The following COPA variants were observed in gnomAD, a reference collection of about 807,000 sequenced individuals.
COPA encodes coatomer subunit alpha.
In COPA, 10 loss-of-function variants were observed where a neutral mutation model predicts 158.7. The ratio of observed to expected loss-of-function variants is 0.06; its 90% CI spans 0.04 to 0.11. The LOEUF (loss-of-function observed/expected upper bound fraction) is 0.11, where lower values mean the gene tolerates loss of function less well. Ranked by LOEUF, COPA falls within the 10% of genes least tolerant of loss-of-function variation. The pLI is 1.00. For missense variants in COPA, 1,065 were observed against 1,536.7 expected, an observed-to-expected ratio of 0.69 and a Z score of 5.13; for synonymous variants, 462 against 542.8, an observed-to-expected ratio of 0.85 and a Z score of 2.07.
chr1:160,340,398 A>T (rs1293920231), intron 1 of COPA, 104 bp from the exon 2 acceptor site: 1 of 707,214 alleles, frequency 1.4e-6, no homozygotes, highest in East Asian at 2.6e-5. Context: ...TCCTAGGTTC[A>T]TTCATTCGAC....
Position 160,331,045 on chromosome 1 carries a change from A to G in COPA, c.496+1403T>C, listed in dbSNP as rs558916028. Reference sequence around the variant, plus strand: ...AAAAATTAGCTGGGCATGGTGGCACATGGCAAAAATAAATAAATAAAAGTT... The same window carrying G: ...AAAAATTAGCTGGGCATGGTGGCACGTGGCAAAAATAAATAAATAAAAGTT... On this transcript the variant is annotated intron_variant, in intron 6 of 32. Transcript: ENST00000241704. Among the ~76,000 whole-genome samples the G allele has an allele frequency of 3.3e-5, 5 of 151,306 alleles. No individual in the cohort carries two copies. In the East Asian group the frequency reaches 9.8e-4, roughly 30 times the overall value.
intron 17 of COPA, among the ~76,000 whole-genome samples, chr1:160,304,756 G>C (rs1358365793): frequency 6.6e-6 from 1 of 152,178 alleles, no homozygotes; most frequent in Non-Finnish European, 1.5e-5. Flanking sequence ...CTAGAGAAAT[G>C]TATGTACATG....
intron 8 of COPA, among the ~76,000 whole-genome samples, chr1:160,319,527 T>A (rs764792036): frequency 1.3e-5 from 2 of 148,580 alleles, no homozygotes; most frequent in Non-Finnish European, 3.0e-5. Context: ...ACATACTAGA[T>A]CTAATAGGCC....
intron 17 of COPA, among the ~76,000 whole-genome samples, chr1:160,304,391 C>T (rs904397475): frequency 4.6e-5 from 7 of 150,810 alleles, no homozygotes; most frequent in African/African-American, 1.7e-4. Context: ...CACAGCTGGG[C>T]GCGGTGGCTC....
intron 8 of COPA, among the ~76,000 whole-genome samples, chr1:160,315,380 G>A (rs1430800872): frequency 6.6e-6 from 1 of 152,240 alleles, no homozygotes; most frequent in Admixed American, 6.5e-5. Context: ...ACTCTGCTCT[G>A]TTACTTGGCC....
intron 8 of COPA, among the ~76,000 whole-genome samples, chr1:160,314,775 G>GA (rs1659081102): frequency 6.6e-6 from 1 of 151,680 alleles, no homozygotes; most frequent in South Asian, 2.1e-4. Flanking sequence ...TGCCATTTTA[G>GA]AACAAATATG....
chr1:160,324,743 T>TA (rs1035308601), intron 7 of COPA, among the ~76,000 whole-genome samples: 31 of 152,306 alleles, frequency 2.0e-4, no homozygotes, highest in African/African-American at 3.8e-4. Flanking sequence ...TAAAATGTGG[T>TA]AAAAAATTGA....
In COPA at chr1:160,306,439, A is replaced by G. The variant is rs1471394621; in HGVS notation, c.1357T>C (p.Cys453Arg). The G allele has an allele frequency of 9.9e-6, 16 of 1,614,122 alleles. No homozygotes were observed. Among genetic ancestry groups the G allele is most frequent in the African/African-American group, 2.7e-5 (2 of 74,928 alleles). ...EITKKVQVPN[C>R]DEIFYAGTGN... ...GTGCCAGCATAGAAGATCTCATCAC[A>G]GTTGGGCACCTGTACCTTTTTGGTG... The change falls in exon 15 of 33, where the codon TGT becomes CGT. Residue 453 changes from cysteine to arginine, a missense_variant. By Grantham distance (180) the Cys-to-Arg change is radical. Coordinates refer to ENST00000241704, the MANE Select transcript of COPA (RefSeq NM_004371.4).
At chr1:160,306,885 CACTT>C (rs1268104033) in intron 14 of COPA, among the ~76,000 whole-genome samples, 2 of 152,210 alleles carry the variant, frequency 1.3e-5, no homozygotes, top group Non-Finnish European at 2.9e-5. Context: ...CCAGCCCACT[CACTT>C]CAGATTTGAT....
intron 17 of COPA, among the ~76,000 whole-genome samples, chr1:160,303,869 C>G (rs993025946): frequency 4.6e-5 from 7 of 152,010 alleles, no homozygotes; most frequent in Non-Finnish European, 7.4e-5. Flanking sequence ...AGAGGAAATC[C>G]TACTGGATGG....
At chr1:160,326,442 T>C (rs921618389) in intron 6 of COPA, among the ~76,000 whole-genome samples, 6 of 152,132 alleles carry the variant, frequency 3.9e-5, no homozygotes, top group African/African-American at 1.4e-4. Flanking sequence ...GATAGGGGGA[T>C]GGCTTGAGCC....
chr1:160,291,534 C>T (rs1418044422), intron 30 of COPA, 38 bp from the exon 31 acceptor site: 5 of 1,600,528 alleles, frequency 3.1e-6, no homozygotes, highest in Non-Finnish European at 4.3e-6. Flanking sequence ...CAGGTTGATG[C>T]TACACCTGGT....
At chr1:160,329,076 A>C (rs1252045430) in intron 6 of COPA, among the ~76,000 whole-genome samples, 2 of 152,214 alleles carry the variant, frequency 1.3e-5, no homozygotes, top group Non-Finnish European at 2.9e-5. Context: ...TCCTGTTTTC[A>C]GACTTATTTG....
intron 8 of COPA, among the ~76,000 whole-genome samples, chr1:160,316,207 A>ATT (rs1256242953): frequency 1.3e-5 from 2 of 152,020 alleles, no homozygotes; most frequent in Non-Finnish European, 2.9e-5. Context: ...AAAATACCAA[A>ATT]ATTAGCCAGA....
chr1:160,296,273 C>G (rs1658409103), intron 21 of COPA, 124 bp from the exon 22 acceptor site: 1 of 734,382 alleles, frequency 1.4e-6, no homozygotes, highest in Admixed American at 2.3e-5. Context: ...TGCAAAATAC[C>G]CACCTCTTAA....
intron 17 of COPA, among the ~76,000 whole-genome samples, chr1:160,301,833 G>A (rs1658615043): frequency 6.6e-6 from 1 of 151,580 alleles, no homozygotes; most frequent in African/African-American, 2.4e-5. Flanking sequence ...ATTTAGGTTG[G>A]TAAATGTTGA....
At chr1:160,334,028 G>A (rs547483632) in intron 4 of COPA, among the ~76,000 whole-genome samples, 1 of 152,220 alleles carries the variant, frequency 6.6e-6, no homozygotes, top group Non-Finnish European at 1.5e-5. Flanking sequence ...TCCTGTGAAA[G>A]ACTCTTCTAC....
chr1:160,338,892 T>A lies in COPA; in HGVS notation c.228+1017A>T, dbSNP rs531767498. On this transcript the variant is annotated intron_variant, in intron 3 of 32. Transcript: ENST00000241704. ...GCAATATCTTCTACTGCTTCTCCTT[T>A]GGCTCCTCCCTTCATGACGACAAAT... 2.6e-5 allele frequency among the ~76,000 whole-genome samples: 4 copies of A among 152,316 alleles called. No homozygotes were observed. In the East Asian group the frequency reaches 7.7e-4, roughly 29 times the overall value.
chr1:160,324,457 ATTTTTTTTT>A (rs36119799), intron 7 of COPA, among the ~76,000 whole-genome samples: 2 of 131,918 alleles, frequency 1.5e-5, no homozygotes, highest in African/African-American at 5.8e-5. Context: ...CGCCCAGCTA[ATTTTTTTTT>A]TTTTTTTTTT....
Sources: gnomAD v4.1 joint callset for allele counts (sites outside exome capture counted in the v4.1 genomes callset) on GRCh38, gnomAD v4.1.1 for gene constraint, MANE v1.5 for transcripts, NCBI Gene and HGNC (gene_info 2026-07-23, HGNC 2026-07-21) for gene names.